Variants in UGGT2 observed in about 807,000 individuals in gnomAD.
UGGT2 encodes the protein UDP-glucose:glycoprotein glucosyltransferase 2.
A neutral mutation model predicts 192.1 loss-of-function variants in UGGT2; 180 were observed. The ratio of observed to expected loss-of-function variants is 0.94; its 90% CI spans 0.83 to 1.06. UGGT2 has a LOEUF of 1.06. UGGT2 is among the 50% of genes least tolerant of loss of function. The pLI is 0.00. For missense variants in UGGT2, 1,849 were observed against 1,795.7 expected (o/e 1.03, Z -0.54); for synonymous variants, 580 against 591.0 (o/e 0.98, Z 0.27).
intron 3 of UGGT2, 117 bp from the exon 4 acceptor site, chr13:96,023,269 TAATTA>T (rs1262600751): frequency 3.2e-5 from 25 of 783,960 alleles, no homozygotes; most frequent in Non-Finnish European, 4.0e-5. Flanking sequence ...GTTATTGCTC[TAATTA>T]AAGTAAAAAA....
intron 7 of UGGT2, chr13:95,990,388 C>T (rs1282759178): frequency 6.3e-6 from 1 of 158,752 alleles, no homozygotes; most frequent in African/African-American, 2.4e-5. Flanking sequence ...TTTTGTTTAA[C>T]ATTTTATAAA....
chr13:95,947,911 G>A (rs2049931037), intron 14 of UGGT2, 85 bp downstream of exon 14: 2 of 1,087,966 alleles, frequency 1.8e-6, no homozygotes, highest in East Asian at 2.5e-5. Context: ...CGCTTTGAAT[G>A]CCCTATTAAT....
At chr13:95,959,405 G>T (rs75343842) in intron 12 of UGGT2, among the ~76,000 whole-genome samples, 1 of 152,076 alleles carries the variant, frequency 6.6e-6, no homozygotes, top group Non-Finnish European at 1.5e-5. Context: ...ACCTATGGCC[G>T]GTGGATCATC....
chr13:96,046,514 A>G (rs2139224528), intron 1 of UGGT2, among the ~76,000 whole-genome samples: 1 of 152,372 alleles, frequency 6.6e-6, no homozygotes, highest in South Asian at 2.1e-4. Flanking sequence ...GAATAGGAAC[A>G]GCTCCAGTCT....
intron 37 of UGGT2, among the ~76,000 whole-genome samples, chr13:95,836,734 A>G (rs540233611): frequency 2.2e-4 from 34 of 152,326 alleles, no homozygotes; most frequent in African/African-American, 7.7e-4. Flanking sequence ...GTCCCGTGTG[A>G]TATCACAGAG....
chr13:95,857,814 C>T (rs909964747), intron 33 of UGGT2, among the ~76,000 whole-genome samples: 1 of 152,040 alleles, frequency 6.6e-6, no homozygotes, highest in African/African-American at 2.4e-5. Context: ...CTTTCTAATC[C>T]AGACATAGCA....
chr13:95,820,671 C>G (rs185665794), intron 38 of UGGT2, among the ~76,000 whole-genome samples: 34 of 151,700 alleles, frequency 2.2e-4, no homozygotes, highest in African/African-American at 6.5e-4. Flanking sequence ...AATTCCATAG[C>G]GGTGAATTCT....
intron 20 of UGGT2, among the ~76,000 whole-genome samples, chr13:95,907,113 G>A (rs1398263277): frequency 6.6e-6 from 1 of 152,214 alleles, no homozygotes; most frequent in Non-Finnish European, 1.5e-5. Flanking sequence ...TCTCTCCCGT[G>A]CCCGACACGG....
At chr13:96,004,830 T>G in intron 5 of UGGT2, among the ~76,000 whole-genome samples, 1 of 152,144 alleles carries the variant, frequency 6.6e-6, no homozygotes, top group Non-Finnish European at 1.5e-5. Flanking sequence ...AGTTATGACC[T>G]CCTCTCTCAG....
At chr13:96,043,260 C>A (rs919831427) in intron 1 of UGGT2, among the ~76,000 whole-genome samples, 3 of 152,090 alleles carry the variant, frequency 2.0e-5, no homozygotes, top group African/African-American at 7.2e-5. Context: ...TCGTATCTAG[C>A]AAAACTAATC....
At chr13:96,001,403 C>T (rs965929582) in intron 5 of UGGT2, among the ~76,000 whole-genome samples, 1 of 152,062 alleles carries the variant, frequency 6.6e-6, no homozygotes, top group South Asian at 2.1e-4. Context: ...TTTTCCTTTA[C>T]CTGCCCAAAT....
chr13:95,909,659 G>A (rs1187813495), intron 20 of UGGT2, among the ~76,000 whole-genome samples: 1 of 147,508 alleles, frequency 6.8e-6, no homozygotes, highest in Admixed American at 6.8e-5. Context: ...GCTAGATGAC[G>A]AGTTAGTGGG....
intron 8 of UGGT2, among the ~76,000 whole-genome samples, chr13:95,988,900 G>A (rs1171334582): frequency 6.6e-6 from 1 of 152,038 alleles, no homozygotes; most frequent in East Asian, 1.9e-4. Context: ...TATATGAAAG[G>A]ACTCTGTAAA....
At chr13:95,988,559 G>A (rs1239161096) in intron 8 of UGGT2, among the ~76,000 whole-genome samples, 3 of 152,124 alleles carry the variant, frequency 2.0e-5, no homozygotes, top group Non-Finnish European at 4.4e-5. Flanking sequence ...TCAGTTCAAA[G>A]AGGTAGATTC....
At chr13:95,979,659 ATTG>A (rs1229419014) in intron 10 of UGGT2, among the ~76,000 whole-genome samples, 1 of 151,728 alleles carries the variant, frequency 6.6e-6, no homozygotes, top group Non-Finnish European at 1.5e-5. Flanking sequence ...GTAAGGAAAG[ATTG>A]TTATTATGTA....
intron 11 of UGGT2, among the ~76,000 whole-genome samples, chr13:95,971,956 T>C (rs1566778099): frequency 6.6e-6 from 1 of 152,172 alleles, no homozygotes; most frequent in African/African-American, 2.4e-5. Context: ...AATTAAAGTA[T>C]CATGTATCCT....
chr13:95,832,046 CTT>C (rs751726923), intron 38 of UGGT2, among the ~76,000 whole-genome samples: 14 of 138,082 alleles, frequency 1.0e-4, no homozygotes, highest in Admixed American at 5.1e-4. Context: ...TAAAGGAAAA[CTT>C]TTTTTTTTTT....
intron 21 of UGGT2, 129 bp downstream of exon 21, chr13:95,902,725 G>T (rs2048143506): frequency 2.2e-6 from 2 of 902,894 alleles, no homozygotes; most frequent in Non-Finnish European, 3.3e-6. Flanking sequence ...TTTCCCATTT[G>T]AAAAGGAATG....
chr13:95,949,430 C>A lies in UGGT2; in HGVS notation c.1360G>T (p.Asp454Tyr), dbSNP rs759459365. 19 of 1,544,258 alleles carry A rather than the reference C, an allele frequency of 1.2e-5. No homozygotes were observed. The highest frequency in any genetic ancestry group is 1.7e-5 in the Non-Finnish European group (19 of 1,141,462). Residue 454 changes from aspartate (D) to tyrosine (Y), a missense_variant, in exon 13 of 39, where the codon GAT (aspartate) becomes TAT (tyrosine). Physicochemically the swap from Asp to Tyr is radical, Grantham distance 160 (BLOSUM62 -3). Coordinates refer to ENST00000376747, the MANE Select transcript of UGGT2 (RefSeq NM_020121.4). The stretch of plus-strand genomic sequence containing the variant: ...CTTGTAGGCCATGTAATATACAAAT[C>A]ATCATTTTCTAAGTCATTAATCCAC... ...IMWINDLENDDLYITWPTSCQ... is the reference protein window; with the variant it reads ...IMWINDLENDYLYITWPTSCQ...
Sources: allele counts gnomAD v4.1 joint callset (sites outside exome capture counted in the v4.1 genomes callset), GRCh38; gene constraint gnomAD v4.1.1; transcripts MANE v1.5; gene names NCBI Gene and HGNC (gene_info 2026-07-23, HGNC 2026-07-21).